Variants in GRIN2A observed in about 807,000 individuals in gnomAD.
The protein encoded by GRIN2A is glutamate ionotropic receptor NMDA type subunit 2A, also known as glutamate receptor ionotropic, NMDA 2A.
Under a neutral mutation model 113.4 loss-of-function variants are expected in GRIN2A, and 22 were observed. The ratio of observed to expected loss-of-function variants is 0.19; its 90% CI spans 0.14 to 0.28. GRIN2A has a LOEUF of 0.28. Ranked by LOEUF, GRIN2A falls within the 10% of genes least tolerant of loss-of-function variation. The pLI is 1.00. For missense variants in GRIN2A, 1,502 were observed against 1,887.0 expected, an observed-to-expected ratio of 0.80 and a Z score of 3.78; for synonymous variants, 827 against 738.4, an observed-to-expected ratio of 1.12 and a Z score of -1.94.
rs144307693 is a variant in GRIN2A at position 9,973,263 on chromosome 16, G to T, written c.415-34712C>A. 3.4e-3 allele frequency among the ~76,000 whole-genome samples: 514 copies of T among 152,272 alleles called. 2 individuals carry two copies. Among genetic ancestry groups the T allele is most frequent in the African/African-American group, 0.011 (477 of 41,552 alleles). ...CTGGCTTTAGGCAATCCCCAGGCAG[G>T]AAGGGTGTTTGTTTTGGGAAAGGGC... On this transcript the variant is annotated intron_variant, in intron 2 of 12. Transcript: ENST00000330684.
intron 10 of GRIN2A, among the ~76,000 whole-genome samples, chr16:9,817,207 ATAG>A (rs372393794): frequency 1.8e-4 from 27 of 152,286 alleles, no homozygotes; most frequent in African/African-American, 5.3e-4. Flanking sequence ...CTCCTTTAAA[ATAG>A]TAGTTCTCAG....
intron 11 of GRIN2A, among the ~76,000 whole-genome samples, chr16:9,786,348 C>A (rs1355101181): frequency 6.6e-6 from 1 of 152,136 alleles, no homozygotes; most frequent in African/African-American, 2.4e-5. Context: ...CCCAAACTGG[C>A]AGGGTTGAAT....
At chr16:9,904,231 G>C (rs922955686) in intron 3 of GRIN2A, among the ~76,000 whole-genome samples, 3 of 152,180 alleles carry the variant, frequency 2.0e-5, no homozygotes, top group Non-Finnish European at 4.4e-5. Flanking sequence ...CTGGAAGCTG[G>C]AAAGTTCAAG....
At position 9,903,135 on chromosome 16, in the gene GRIN2A, AT is replaced by A. The variant is rs1177765606; in HGVS notation, c.1008-12036del. Reference sequence around the variant, plus strand: ...AATCGCGTGCCACCATGCCCAGCTAATTTTTTTGTATTTTTAGTAGAGACGG... The same window carrying A: ...AATCGCGTGCCACCATGCCCAGCTAATTTTTTGTATTTTTAGTAGAGACGG... On this transcript the variant is annotated intron_variant, in intron 3 of 12. Transcript: ENST00000330684. 7.9e-5 allele frequency among the ~76,000 whole-genome samples: 12 copies of A among 151,482 alleles called. 1 individual carries two copies. Among genetic ancestry groups the A allele is most frequent in the East Asian group, 3.9e-4 (2 of 5,108 alleles).
At chr16:9,815,022 A>AAAAC (rs1491164960) in intron 10 of GRIN2A, among the ~76,000 whole-genome samples, 1 of 112,530 alleles carries the variant, frequency 8.9e-6, no homozygotes, top group Non-Finnish European at 1.6e-5. Context: ...ACTCCGTTTC[A>AAAAC]AAAAAAAAAA....
intron 3 of GRIN2A, among the ~76,000 whole-genome samples, chr16:9,925,916 C>G (rs2044454535): frequency 6.6e-6 from 1 of 152,174 alleles, no homozygotes; most frequent in Admixed American, 6.5e-5. Flanking sequence ...AAAAAGAAAG[C>G]AGATTGGAAC....
intron 2 of GRIN2A, among the ~76,000 whole-genome samples, chr16:10,009,093 G>T (rs903145937): frequency 6.6e-6 from 1 of 152,174 alleles, no homozygotes; most frequent in Non-Finnish European, 1.5e-5. Flanking sequence ...GAATTTGGGT[G>T]AATCATGTCA....
chr16:9,763,122 T>C lies in GRIN2A; in HGVS notation c.*27A>G. 6.2e-7 allele frequency: 1 copy of C among 1,608,284 alleles called. No homozygotes were observed. The highest frequency in any genetic ancestry group is 8.5e-7 in the Non-Finnish European group (1 of 1,175,348). Reference sequence around the variant, plus strand: ...ACATTGGCCATTACGTATATTTCCCTATAGATAAAACATTAATGGAAGATT... The same window carrying C: ...ACATTGGCCATTACGTATATTTCCCCATAGATAAAACATTAATGGAAGATT... On this transcript the variant is annotated 3_prime_UTR_variant, in exon 13 of 13. Coordinates refer to ENST00000330684, the MANE Select transcript of GRIN2A (RefSeq NM_001134407.3).
chr16:9,871,552 C>T (rs892547682), intron 4 of GRIN2A, among the ~76,000 whole-genome samples: 4 of 152,078 alleles, frequency 2.6e-5, no homozygotes, highest in African/African-American at 4.8e-5. Context: ...TTTCTAACTA[C>T]GTTCCAGGCC....
chr16:10,160,057 G>C (rs918966107), intron 2 of GRIN2A, among the ~76,000 whole-genome samples: 7 of 152,208 alleles, frequency 4.6e-5, no homozygotes, highest in Non-Finnish European at 8.8e-5. Flanking sequence ...TTTTGGTGCA[G>C]GGAACCTGAT....
chr16:9,935,512 TCACACACACACACACACACACACA>T (rs71157793), intron 3 of GRIN2A, among the ~76,000 whole-genome samples: 1 of 132,836 alleles, frequency 7.5e-6, no homozygotes, highest in Non-Finnish European at 1.6e-5. Flanking sequence ...GTCTACTTCA[TCACACACACACACACACACACACA>T]CACACACACA....
intron 2 of GRIN2A, among the ~76,000 whole-genome samples, chr16:9,944,868 T>G (rs897328037): frequency 6.6e-6 from 1 of 152,204 alleles, no homozygotes; most frequent in Non-Finnish European, 1.5e-5. Context: ...ATCCGTGGAT[T>G]GTCTTTCATT....
intron 10 of GRIN2A, among the ~76,000 whole-genome samples, chr16:9,803,403 A>T (rs993260207): frequency 3.9e-5 from 6 of 151,990 alleles, no homozygotes; most frequent in Non-Finnish European, 8.8e-5. Context: ...CAACAAGAGC[A>T]AAACTCCATC....
intron 12 of GRIN2A, among the ~76,000 whole-genome samples, chr16:9,766,716 C>T (rs1054886380): frequency 1.3e-5 from 2 of 152,086 alleles, no homozygotes; most frequent in Non-Finnish European, 2.9e-5. Context: ...AGGGAGACTC[C>T]ATCTCAAAAA....
chr16:10,085,721 G>A (rs2048073475), intron 2 of GRIN2A, among the ~76,000 whole-genome samples: 1 of 152,184 alleles, frequency 6.6e-6, no homozygotes, highest in South Asian at 2.1e-4. Context: ...AAAGCCAAAT[G>A]ATGGTTAGCA....
At chr16:9,800,435 T>C (rs1903290004) in intron 10 of GRIN2A, among the ~76,000 whole-genome samples, 1 of 152,148 alleles carries the variant, frequency 6.6e-6, no homozygotes, top group African/African-American at 2.4e-5. Flanking sequence ...TTTATTGCCT[T>C]TCTTTAACAA....
chr16:9,921,887 T>C, intron 3 of GRIN2A, among the ~76,000 whole-genome samples: 1 of 152,222 alleles, frequency 6.6e-6, no homozygotes, highest in East Asian at 1.9e-4. Flanking sequence ...ATTAACCCTG[T>C]CTCTTTGGGG....
intron 2 of GRIN2A, among the ~76,000 whole-genome samples, chr16:9,967,545 A>T (rs1305079291): frequency 6.6e-6 from 1 of 152,196 alleles, no homozygotes; most frequent in Non-Finnish European, 1.5e-5. Context: ...TGTCTACTAA[A>T]AATACAAAAA....
intron 11 of GRIN2A, among the ~76,000 whole-genome samples, chr16:9,786,343 A>C (rs1377560024): frequency 6.6e-5 from 10 of 152,072 alleles, no homozygotes; most frequent in Admixed American, 6.6e-5. Flanking sequence ...TTTTCCCCAA[A>C]CTGGCAGGGT....
Sources: allele counts gnomAD v4.1 joint callset (sites outside exome capture counted in the v4.1 genomes callset), GRCh38; gene constraint gnomAD v4.1.1; transcripts MANE v1.5; gene names NCBI Gene and HGNC (gene_info 2026-07-23, HGNC 2026-07-21).